Variants in DAG1 observed in about 807,000 individuals in gnomAD.
DAG1 encodes the protein dystroglycan 1, also known as dystroglycan 1 (dystrophin-associated glycoprotein 1).
A neutral mutation model predicts 46.1 loss-of-function variants in DAG1; 8 were observed. That is an observed-to-expected ratio of 0.17 (90% CI 0.10 to 0.31). The LOEUF (loss-of-function observed/expected upper bound fraction) is 0.31. DAG1 is among the 10% of genes least tolerant of loss of function. The probability of loss-of-function intolerance (pLI) is 1.00; values close to 1 mark genes in which losing one functional copy is unlikely to be tolerated. For synonymous variants in DAG1, 495 were observed against 481.8 expected, an observed-to-expected ratio of 1.03 and a Z score of -0.36; for missense variants, 1,003 against 1,189.9, an observed-to-expected ratio of 0.84 and a Z score of 2.31.
chr3:49,488,599 G>A (rs1449431023), intron 1 of DAG1: 2 of 151,964 alleles, frequency 1.3e-5, no homozygotes, highest in Admixed American at 6.6e-5. Context: ...AAAAAGGAAC[G>A]GTTATTTATT....
intron 2 of DAG1, among the ~76,000 whole-genome samples, chr3:49,514,964 A>G (rs1430904890): frequency 2.6e-5 from 4 of 151,918 alleles, no homozygotes; most frequent in Non-Finnish European, 5.9e-5. Context: ...GGTTCAGGCT[A>G]TTCTTCTGCC....
chr3:49,507,370 C>G (rs963312549), intron 1 of DAG1, among the ~76,000 whole-genome samples: 4 of 152,044 alleles, frequency 2.6e-5, no homozygotes, highest in African/African-American at 9.7e-5. Context: ...CAAGACCAGC[C>G]TGGTCAACGT....
chr3:49,528,136 G>A (rs1332591778), intron 2 of DAG1, among the ~76,000 whole-genome samples: 1 of 151,540 alleles, frequency 6.6e-6, no homozygotes, highest in African/African-American at 2.4e-5. Context: ...GTGGTTTTTT[G>A]TTTGTTTGTT....
chr3:49,513,189 C>A (rs891539991), intron 2 of DAG1, among the ~76,000 whole-genome samples: 1 of 152,062 alleles, frequency 6.6e-6, no homozygotes, highest in Non-Finnish European at 1.5e-5. Flanking sequence ...TAAGTTGGCT[C>A]ATTCATGGCT....
intron 1 of DAG1, among the ~76,000 whole-genome samples, chr3:49,503,667 A>C (rs1224296505): frequency 6.6e-6 from 1 of 152,050 alleles, no homozygotes; most frequent in African/African-American, 2.4e-5. Context: ...CTGTCTCTAC[A>C]GGTACAAAAA....
chr3:49,509,737 G>GTT (rs11405695), intron 1 of DAG1, among the ~76,000 whole-genome samples: 9 of 150,912 alleles, frequency 6.0e-5, no homozygotes, highest in Admixed American at 1.3e-4. Flanking sequence ...ATATTTTATT[G>GTT]TTTTTTTTTG....
upstream of DAG1, chr3:49,470,014 A>AGGCTTCCATAATGGGGCGT: frequency 6.6e-6 from 1 of 151,938 alleles, no homozygotes; most frequent in Middle Eastern, 3.4e-3. Flanking sequence ...CGTGGGGGCG[A>AGGCTTCCATAATGGGGCGT]GGCTTCCATA....
intron 1 of DAG1, among the ~76,000 whole-genome samples, chr3:49,501,177 G>A (rs933877200): frequency 1.3e-5 from 2 of 152,190 alleles, no homozygotes; most frequent in African/African-American, 2.4e-5. Flanking sequence ...ACCCCATGTC[G>A]TCATGTGTCC....
At chr3:49,478,431 C>CCA (rs1553642812) in intron 1 of DAG1, among the ~76,000 whole-genome samples, 6 of 64,858 alleles carry the variant, frequency 9.3e-5, no homozygotes, top group African/African-American at 1.3e-4. Flanking sequence ...CCTGTCTCTA[C>CCA]AAAAAATAAA....
intron 1 of DAG1, among the ~76,000 whole-genome samples, chr3:49,509,350 T>C (rs1441039848): frequency 6.6e-6 from 1 of 152,084 alleles, no homozygotes; most frequent in African/African-American, 2.4e-5. Context: ...GAGTTCAAGG[T>C]TACATTGAGC....
At chr3:49,483,956 G>A (rs2049950405) in intron 1 of DAG1, among the ~76,000 whole-genome samples, 1 of 152,158 alleles carries the variant, frequency 6.6e-6, no homozygotes, top group Non-Finnish European at 1.5e-5. Flanking sequence ...ACCCGGCCCA[G>A]AAGTGTCTTA....
At chr3:49,515,754 CCA>C (rs1399592426) in intron 2 of DAG1, among the ~76,000 whole-genome samples, 2 of 152,038 alleles carry the variant, frequency 1.3e-5, no homozygotes, top group African/African-American at 4.8e-5. Flanking sequence ...TGAGGCGACC[CCA>C]GTCATCTTGG....
At chr3:49,501,051 T>A (rs1226216039) in intron 1 of DAG1, among the ~76,000 whole-genome samples, 1 of 152,168 alleles carries the variant, frequency 6.6e-6, no homozygotes, top group African/African-American at 2.4e-5. Flanking sequence ...ATTACCAAGT[T>A]GCAAAAAATT....
At position 49,519,003 on chromosome 3, in the gene DAG1, A is replaced by G. The variant is rs576656370; in HGVS notation, c.285+8184A>G. On this transcript the variant is annotated intron_variant, in intron 2 of 2. Coordinates refer to ENST00000308775, the MANE Select transcript of DAG1 (RefSeq NM_004393.6). ...CACAGCTACTTTTGGAGCTGAGAGG[A>G]CCCTTTCTCCTTATCAGGGTCTGTG... Among the ~76,000 whole-genome samples the G allele has an allele frequency of 9.9e-5, 15 of 152,138 alleles. No individual in the cohort carries two copies. In the East Asian group the frequency reaches 2.5e-3, roughly 26 times the overall value.
intron 1 of DAG1, among the ~76,000 whole-genome samples, chr3:49,502,263 G>T (rs1314272471): frequency 6.6e-6 from 1 of 152,256 alleles, no homozygotes; most frequent in Non-Finnish European, 1.5e-5. Context: ...ACTGCTGGTT[G>T]TTGAGAAGGA....
rs1333313281 is a variant in DAG1 at position 49,532,702 on chromosome 3, G to T, written c.2191G>T (p.Ala731Ser). The change falls in exon 3 of 3, where the codon GCG (alanine) becomes TCG (serine). Residue 731 changes from alanine to serine, a missense_variant. Around this residue, in one of 3 missense-constraint regions of DAG1, gnomAD observed 755 missense variants for 854.1 expected, o/e 0.88. Transcript: ENST00000308775. This position sits in a 1 kb window ranked among gnomAD's most constrained non-coding sequence, Gnocchi z 5.4. ...VVPPRRVPSE[A>S]PPTEVPDRDP... ...ACCACCCAGGAGAGTGCCCTCAGAGGCGCCGCCCACAGAAGTGCCTGACAG... is the reference window on the plus strand; with the variant it reads ...ACCACCCAGGAGAGTGCCCTCAGAGTCGCCGCCCACAGAAGTGCCTGACAG... 3 of 1,614,168 alleles carry T rather than the reference G, an allele frequency of 1.9e-6. No individual in the cohort carries two copies. Among genetic ancestry groups the T allele is most frequent in the Non-Finnish European group, 1.7e-6 (2 of 1,180,044 alleles).
intron 1 of DAG1, among the ~76,000 whole-genome samples, chr3:49,476,688 T>G (rs2049691676): frequency 6.6e-6 from 1 of 152,206 alleles, no homozygotes; most frequent in African/African-American, 2.4e-5. Context: ...CAGAAAATGT[T>G]TCATTTTCTT....
intron 2 of DAG1, among the ~76,000 whole-genome samples, chr3:49,526,411 A>G (rs536918877): frequency 5.9e-5 from 9 of 152,370 alleles, no homozygotes; most frequent in African/African-American, 2.2e-4. Context: ...ATGGGTAGAC[A>G]ATAGTAAAAG....
At chr3:49,523,876 A>G (rs1047360145) in intron 2 of DAG1, among the ~76,000 whole-genome samples, 3 of 152,218 alleles carry the variant, frequency 2.0e-5, no homozygotes, top group Non-Finnish European at 2.9e-5. Flanking sequence ...GTCAAGCGCC[A>G]GCCAGCCTGG....
Sources: gnomAD v4.1 joint callset for allele counts (sites outside exome capture counted in the v4.1 genomes callset) on GRCh38, gnomAD v4.1.1 for gene constraint, gnomAD v4.1.1 regional missense constraint, Gnocchi (gnomAD v3.1) non-coding constraint, MANE v1.5 for transcripts, NCBI Gene and HGNC (gene_info 2026-07-23, HGNC 2026-07-21) for gene names.